The following VWA8 variants were observed in gnomAD, a reference collection of about 807,000 sequenced individuals.
VWA8 encodes the protein von Willebrand factor A domain containing 8.
In VWA8, 221 loss-of-function variants were observed where a neutral mutation model predicts 241.5. The ratio of observed to expected loss-of-function variants is 0.91; its 90% CI spans 0.82 to 1.02. The LOEUF (loss-of-function observed/expected upper bound fraction) is 1.02. VWA8 is among the 50% of genes least tolerant of loss of function. The probability of loss-of-function intolerance (pLI) is 0.00; values close to 1 mark genes in which losing one functional copy is unlikely to be tolerated. For synonymous variants in VWA8, 852 were observed against 827.1 expected (o/e 1.03, Z -0.52); for missense variants, 2,322 against 2,328.7 (o/e 1.00, Z 0.06).
chr13:41,890,582 C>T (rs1352997806), intron 5 of VWA8, among the ~76,000 whole-genome samples: 3 of 152,320 alleles, frequency 2.0e-5, no homozygotes, highest in Admixed American at 6.5e-5. Context: ...AATCATTCCA[C>T]GGTACTTATT....
At chr13:41,811,496 C>T (rs899449829) in intron 16 of VWA8, among the ~76,000 whole-genome samples, 156 bp from the exon 17 acceptor site, 1 of 151,968 alleles carries the variant, frequency 6.6e-6, no homozygotes, top group African/African-American at 2.4e-5. Context: ...TAAACAGAAA[C>T]CAATTTACAC....
At chr13:41,783,705 C>A in intron 19 of VWA8, 90 bp downstream of exon 19, 11 of 857,582 alleles carry the variant, frequency 1.3e-5, no homozygotes, top group South Asian at 3.7e-5. Flanking sequence ...TAGGAAATCA[C>A]AAAAATAATT....
Position 41,811,327 on chromosome 13 carries a change from G to A in VWA8, c.1961C>T (p.Ala654Val), listed in dbSNP as rs370360481. Residue 654 changes from alanine to valine, a missense_variant, in exon 17 of 45, where the codon GCG becomes GTG. Coordinates refer to ENST00000379310, the MANE Select transcript of VWA8 (RefSeq NM_015058.2). Reference sequence around the variant, plus strand: ...CAGTTGTCTGGTAGAAAGTGATGCCGCTAATGATTGTGCCTATCAAAAGAC... The same window carrying A: ...CAGTTGTCTGGTAGAAAGTGATGCCACTAATGATTGTGCCTATCAAAAGAC... Reference protein sequence around the residue: ...ETQDPTAQSLAASLSTRQLLR... With the variant: ...ETQDPTAQSLVASLSTRQLLR... 1.6e-5 allele frequency: 25 copies of A among 1,608,432 alleles called. No individual in the cohort carries two copies. Among genetic ancestry groups the A allele is most frequent in the Non-Finnish European group, 2.0e-5 (23 of 1,176,058 alleles).
intron 21 of VWA8, among the ~76,000 whole-genome samples, chr13:41,758,300 TC>T (rs1182011926): frequency 6.8e-6 from 1 of 147,696 alleles, no homozygotes; most frequent in Non-Finnish European, 1.5e-5. Context: ...ATTAATTTAT[TC>T]CTAAATATAT....
rs767032046 is a variant in VWA8 at position 41,886,001 on chromosome 13, T to A, written c.894A>T (p.Thr298=). Residue 298 remains threonine, a synonymous_variant, in exon 8 of 45, where the codon ACA becomes ACT. Coordinates refer to ENST00000379310, the MANE Select transcript of VWA8 (RefSeq NM_015058.2). The part of the protein sequence containing the change: ...EKVSQLLSFA[T]TLCSQESSTL... ...TAGAAGATTCTTGGGAACACAGAGT[T>A]GTGGCAAAGGACAAGAGCTGAGAAA... 1 of 1,605,792 alleles carries A rather than the reference T, an allele frequency of 6.2e-7. No individual in the cohort carries two copies. The highest frequency in any genetic ancestry group is 1.1e-5 in the South Asian group (1 of 88,560).
chr13:41,861,792 G>C (rs1183525079), intron 12 of VWA8, among the ~76,000 whole-genome samples: 1 of 152,054 alleles, frequency 6.6e-6, no homozygotes, highest in East Asian at 1.9e-4. Context: ...ACTGCTGAAA[G>C]AAATCAGAGA....
intron 5 of VWA8, among the ~76,000 whole-genome samples, chr13:41,887,728 GTGAT>G (rs1874617505): frequency 6.6e-6 from 1 of 152,252 alleles, no homozygotes; most frequent in Admixed American, 6.5e-5. Flanking sequence ...CAGCAAAGCT[GTGAT>G]TGATTACCAG....
intron 21 of VWA8, among the ~76,000 whole-genome samples, chr13:41,742,093 T>TA (rs2045573451): frequency 6.6e-6 from 1 of 152,176 alleles, no homozygotes; most frequent in African/African-American, 2.4e-5. Flanking sequence ...CATGGAAGGA[T>TA]GTAGAGCTAG....
At chr13:41,727,422 G>A in intron 23 of VWA8, 109 bp from the exon 24 acceptor site, 1 of 950,532 alleles carries the variant, frequency 1.1e-6, no homozygotes, top group East Asian at 3.0e-5. Context: ...ATTGTAAAAA[G>A]CTCTAAGATA....
At chr13:41,743,675 C>T (rs1244843193) in intron 21 of VWA8, among the ~76,000 whole-genome samples, 1 of 152,152 alleles carries the variant, frequency 6.6e-6, no homozygotes, top group Admixed American at 6.5e-5. Flanking sequence ...TATCACATTA[C>T]CCTTTAAAAA....
intron 40 of VWA8, among the ~76,000 whole-genome samples, chr13:41,592,743 A>G (rs914887739): frequency 7.5e-6 from 1 of 134,176 alleles, no homozygotes; most frequent in African/African-American, 2.6e-5. Context: ...AAAAAAAAAA[A>G]AGATTATGTG....
intron 24 of VWA8, among the ~76,000 whole-genome samples, chr13:41,723,491 C>T (rs1169788254): frequency 1.3e-5 from 2 of 152,100 alleles, no homozygotes; most frequent in South Asian, 2.1e-4. Context: ...GGAAGCAGGG[C>T]GACCCATTAG....
intron 21 of VWA8, among the ~76,000 whole-genome samples, chr13:41,758,397 A>ATATATATAT (rs1566444703): frequency 1.2e-4 from 1 of 8,630 alleles, no homozygotes; most frequent in African/African-American, 3.2e-4. Flanking sequence ...TATATACGCT[A>ATATATATAT]GTATATATAT....
chr13:41,692,375 T>C (rs1244780838), intron 30 of VWA8, among the ~76,000 whole-genome samples: 22 of 152,090 alleles, frequency 1.4e-4, no homozygotes, highest in Admixed American at 1.4e-3. Flanking sequence ...TTAAATCCAT[T>C]ATTTTTTTCT....
At chr13:41,732,283 C>CAAAAAAAAAA in intron 21 of VWA8, 128 bp from the exon 22 acceptor site, 1 of 568,854 alleles carries the variant, frequency 1.8e-6, no homozygotes, top group Admixed American at 3.4e-5. Flanking sequence ...CTTCCCCCAC[C>CAAAAAAAAAA]AAAAAAAAAC....
At chr13:41,742,125 T>C (rs571714815) in intron 21 of VWA8, among the ~76,000 whole-genome samples, 1 of 152,272 alleles carries the variant, frequency 6.6e-6, no homozygotes, top group South Asian at 2.1e-4. Flanking sequence ...AAGTCCAGAG[T>C]GTACAGTCCT....
intron 2 of VWA8, chr13:41,926,302 A>G: frequency 3.3e-6 from 2 of 611,244 alleles, no homozygotes; most frequent in Non-Finnish European, 6.2e-6. Flanking sequence ...TTGATACTAA[A>G]TGATTTTGTG....
chr13:41,620,628 C>T (rs530258436), intron 37 of VWA8, among the ~76,000 whole-genome samples: 100 of 152,318 alleles, frequency 6.6e-4, no homozygotes, highest in Middle Eastern at 3.4e-3. Flanking sequence ...TTTCCCTCTA[C>T]ACACTGCTTT....
At chr13:41,958,234 T>C (rs1325339384) in intron 1 of VWA8, among the ~76,000 whole-genome samples, 1 of 152,192 alleles carries the variant, frequency 6.6e-6, no homozygotes, top group East Asian at 1.9e-4. Flanking sequence ...AGGTCCTCTC[T>C]TGAGAGCAAA....
Sources: gnomAD v4.1 joint callset for allele counts (sites outside exome capture counted in the v4.1 genomes callset) on GRCh38, gnomAD v4.1.1 for gene constraint, MANE v1.5 for transcripts, NCBI Gene and HGNC (gene_info 2026-07-23, HGNC 2026-07-21) for gene names.